Variants in MYLK observed in about 807,000 individuals in gnomAD.
MYLK encodes myosin light chain kinase, also known as myosin light chain kinase, smooth muscle.
A neutral mutation model predicts 203.4 loss-of-function variants in MYLK; 106 were observed. The observed-to-expected ratio is 0.52, with a 90% CI of 0.45 to 0.61. The LOEUF (loss-of-function observed/expected upper bound fraction) is 0.61, where lower values mean the gene tolerates loss of function less well. MYLK is among the 20% of genes least tolerant of loss of function. MYLK has a pLI of 0.00. For missense variants in MYLK, 2,072 were observed against 2,442.3 expected, an observed-to-expected ratio of 0.85 and a Z score of 3.20; for synonymous variants, 867 against 959.5, an observed-to-expected ratio of 0.90 and a Z score of 1.78.
At chr3:123,850,189 T>A (rs1258065274) in intron 2 of MYLK, among the ~76,000 whole-genome samples, 1 of 152,216 alleles carries the variant, frequency 6.6e-6, no homozygotes, top group Non-Finnish European at 1.5e-5. Context: ...TTGTGAATAG[T>A]GTTGCAGTAA....
chr3:123,722,569 A>G (rs2062131671), intron 12 of MYLK, among the ~76,000 whole-genome samples: 1 of 152,174 alleles, frequency 6.6e-6, no homozygotes, highest in Non-Finnish European at 1.5e-5. Context: ...GGAATTAAAA[A>G]TGCAGGAGGG....
At chr3:123,767,696 C>A (rs776059192) in intron 4 of MYLK, among the ~76,000 whole-genome samples, 1 of 152,210 alleles carries the variant, frequency 6.6e-6, no homozygotes, top group Non-Finnish European at 1.5e-5. Flanking sequence ...GCCATAGTGA[C>A]CTCCAGGTCT....
intron 3 of MYLK, among the ~76,000 whole-genome samples, chr3:123,825,371 T>G (rs2066080738): frequency 2.0e-5 from 3 of 152,168 alleles, no homozygotes; most frequent in Admixed American, 2.0e-4. Flanking sequence ...CTATCTCCCC[T>G]GCCAAGATTG....
intron 2 of MYLK, among the ~76,000 whole-genome samples, chr3:123,837,332 G>A (rs188703411): frequency 9.3e-4 from 142 of 152,012 alleles, no homozygotes; most frequent in African/African-American, 3.3e-3. Flanking sequence ...TGCCCAGCCT[G>A]TAACATTTCC....
At chr3:123,754,859 A>C (rs2063315175) in intron 4 of MYLK, among the ~76,000 whole-genome samples, 2 of 152,248 alleles carry the variant, frequency 1.3e-5, no homozygotes, top group Non-Finnish European at 2.9e-5. Context: ...GGCCTCAAGG[A>C]ATTTAAATCT....
At position 123,809,440 on chromosome 3, in the gene MYLK, C is replaced by T. The variant is rs554162152; in HGVS notation, c.-3-15596G>A. Among the ~76,000 whole-genome samples the T allele has an allele frequency of 2.7e-3, 412 of 152,256 alleles. 1 individual carries two copies. Among genetic ancestry groups the T allele is most frequent in the Non-Finnish European group, 4.4e-3 (299 of 68,018 alleles). ...ACTTGGGAGGCTGAGGCAGGAGAAT[C>T]GCTTGAACCCAGGAGGCGGAAGTTG... On this transcript the variant is annotated intron_variant, in intron 3 of 33. Transcript: ENST00000360304.
intron 6 of MYLK, 92 bp downstream of exon 6, chr3:123,739,861 G>A: frequency 7.3e-7 from 1 of 1,374,230 alleles, no homozygotes; most frequent in Non-Finnish European, 1.0e-6. Flanking sequence ...TTATAACCTA[G>A]GAGAGCCAAG....
At chr3:123,719,911 C>T (rs2877731) in intron 13 of MYLK, among the ~76,000 whole-genome samples, 109 of 152,338 alleles carry the variant, frequency 7.2e-4, no homozygotes, top group Admixed American at 2.8e-3. Context: ...CAGAGGACAG[C>T]GCAGGGAGCA....
intron 20 of MYLK, among the ~76,000 whole-genome samples, chr3:123,670,974 A>C (rs1265999199): frequency 2.6e-5 from 4 of 152,266 alleles, no homozygotes; most frequent in African/African-American, 7.2e-5. Context: ...AGGCTGGGCT[A>C]GAGGTCCCTG....
rs896825790 is a variant in MYLK at position 123,650,671 on chromosome 3, G to T, written c.4289-1477C>A. 1.2e-4 allele frequency among the ~76,000 whole-genome samples: 19 copies of T among 152,210 alleles called. 1 individual carries two copies. Among genetic ancestry groups the T allele is most frequent in the African/African-American group, 4.6e-4 (19 of 41,450 alleles). On this transcript the variant is annotated intron_variant, in intron 24 of 33. Transcript: ENST00000360304. ...AGATAGTCTAGCTGAAGTATCAGAG[G>T]TGGGTTTCACGGTTACTGTCGGGAT...
intron 4 of MYLK, among the ~76,000 whole-genome samples, chr3:123,779,665 C>T (rs1319209411): frequency 6.6e-6 from 1 of 152,244 alleles, no homozygotes; most frequent in East Asian, 1.9e-4. Flanking sequence ...CGTGCCACCA[C>T]ATGAGAGAAG....
At chr3:123,794,362 G>T (rs1456710471) in intron 3 of MYLK, among the ~76,000 whole-genome samples, 1 of 152,176 alleles carries the variant, frequency 6.6e-6, no homozygotes, top group African/African-American at 2.4e-5. Flanking sequence ...ATATGGCAAG[G>T]ACCCTGGGTG....
chr3:123,805,204 T>A (rs2065327944), intron 3 of MYLK, among the ~76,000 whole-genome samples: 1 of 152,210 alleles, frequency 6.6e-6, no homozygotes, highest in African/African-American at 2.4e-5. Flanking sequence ...GAATGAGACA[T>A]GAGCCAACCT....
At position 123,796,620 on chromosome 3, in the gene MYLK, T is replaced by C. The variant is rs539594265; in HGVS notation, c.-3-2776A>G. Among the ~76,000 whole-genome samples the C allele has an allele frequency of 2.2e-3, 334 of 152,312 alleles. 1 individual carries two copies. The highest frequency in any genetic ancestry group is 0.01 in the Middle Eastern group (3 of 294). On this transcript the variant is annotated intron_variant, in intron 3 of 33. Transcript: ENST00000360304. ...GCCCAACAGATCAATGGACGGATGA[T>C]ATGACCTGAACAATGCACAGAGGAT... is the stretch of plus-strand genomic sequence containing the variant.
At chr3:123,758,916 CT>C (rs2063447133) in intron 4 of MYLK, among the ~76,000 whole-genome samples, 1 of 152,110 alleles carries the variant, frequency 6.6e-6, no homozygotes, top group Non-Finnish European at 1.5e-5. Context: ...CCTCGAACTC[CT>C]GGGCTCAGGT....
At chr3:123,724,686 G>A (rs75083496) in intron 12 of MYLK, among the ~76,000 whole-genome samples, 4,233 of 152,198 alleles carry the variant, frequency 0.028, 188 homozygotes, top group African/African-American at 0.096. Context: ...GACACAAATG[G>A]GGACTATTTG....
intron 32 of MYLK, 139 bp from the exon 33 acceptor site, chr3:123,618,909 C>T: frequency 1.7e-6 from 2 of 1,158,794 alleles, no homozygotes; most frequent in Non-Finnish European, 1.2e-6. Context: ...CATAAGCACG[C>T]CTTTCTCCTG....
At chr3:123,796,184 A>G (rs1313433627) in intron 3 of MYLK, among the ~76,000 whole-genome samples, 1 of 152,208 alleles carries the variant, frequency 6.6e-6, no homozygotes, top group Non-Finnish European at 1.5e-5. Context: ...CTTTATAAAT[A>G]ATAAATATAA....
rs1193938820 is a variant in MYLK at position 123,611,804 on chromosome 3, G to C, written c.*2301C>G. 3 of 155,226 alleles carry C rather than the reference G, an allele frequency of 1.9e-5. No individual in the cohort carries two copies. Among genetic ancestry groups the C allele is most frequent in the Non-Finnish European group, 4.3e-5 (3 of 70,570 alleles). The allele number at this position is 155,226 out of a possible 1,614,324, so 9.6% of individuals were successfully genotyped here. ...GGGAGACAGTGACAGATCATCAGGT[G>C]TTAGATTCTCATAAGGAGCGTGAAA... On this transcript the variant is annotated 3_prime_UTR_variant, in exon 34 of 34. Transcript: ENST00000360304.
Sources: allele counts gnomAD v4.1 joint callset (sites outside exome capture counted in the v4.1 genomes callset), GRCh38; gene constraint gnomAD v4.1.1; transcripts MANE v1.5; gene names NCBI Gene and HGNC (gene_info 2026-07-23, HGNC 2026-07-21).